The following SMYD3 variants were observed in gnomAD, a reference collection of about 807,000 sequenced individuals.
SMYD3 encodes SET and MYND domain containing 3.
A neutral mutation model predicts 57.7 loss-of-function variants in SMYD3; 36 were observed. That is an observed-to-expected ratio of 0.62 (90% CI 0.48 to 0.82). The LOEUF (loss-of-function observed/expected upper bound fraction) is 0.82, where lower values mean the gene tolerates loss of function less well. SMYD3 is among the 40% of genes least tolerant of loss of function. The pLI is 0.00. For synonymous variants in SMYD3, 211 were observed against 195.0 expected (o/e 1.08, Z -0.68); for missense variants, 515 against 538.8 (o/e 0.96, Z 0.44).
At chr1:246,329,294 TAC>T (rs1322894798) in intron 4 of SMYD3, among the ~76,000 whole-genome samples, 1 of 152,198 alleles carries the variant, frequency 6.6e-6, no homozygotes, top group Non-Finnish European at 1.5e-5. Flanking sequence ...TGAACTAGTT[TAC>T]AGTCCCACCA....
rs1355138427 is a variant in SMYD3 at position 246,438,489 on chromosome 1, T to G, written c.164+68565A>C. Among the ~76,000 whole-genome samples, 2 of 152,028 alleles carry G rather than the reference T, an allele frequency of 1.3e-5. 1 individual carries two copies. ...GAACTACTTTCCTGGTACTCTTCCC[T>G]CCCTTGTATCCTCCAGGGATTGATT... On this transcript the variant is annotated intron_variant, in intron 1 of 11. Transcript: ENST00000490107.
chr1:246,409,501 T>C (rs1297653707), intron 1 of SMYD3, among the ~76,000 whole-genome samples: 1 of 152,214 alleles, frequency 6.6e-6, no homozygotes, highest in Admixed American at 6.5e-5. Context: ...TGCAGCATTA[T>C]TTCTGAGGGC....
intron 5 of SMYD3, among the ~76,000 whole-genome samples, chr1:246,041,567 C>A (rs1349171787): frequency 6.6e-6 from 1 of 152,094 alleles, no homozygotes; most frequent in East Asian, 1.9e-4. Context: ...CAGGGCCCTA[C>A]GTCGTATGCA....
At position 246,411,717 on chromosome 1, in the gene SMYD3, T is replaced by C. The variant is rs2066972730; in HGVS notation, c.165-56623A>G. 2.0e-5 allele frequency among the ~76,000 whole-genome samples: 3 copies of C among 150,474 alleles called. No individual in the cohort carries two copies. The Middle Eastern group carries it at 0.01, about 526-fold the overall frequency. On this transcript the variant is annotated intron_variant, in intron 1 of 11. Transcript: ENST00000490107. Reference sequence around the variant, plus strand: ...GGAAACCATCATTCTCAGCAATCTATCCCAAGGACAAAAAACCAAACACCG... The same window carrying C: ...GGAAACCATCATTCTCAGCAATCTACCCCAAGGACAAAAAACCAAACACCG...
chr1:246,443,900 CA>C (rs984606603), intron 1 of SMYD3, among the ~76,000 whole-genome samples: 3 of 152,070 alleles, frequency 2.0e-5, no homozygotes, highest in Non-Finnish European at 4.4e-5. Flanking sequence ...TACTTTCTGT[CA>C]AAAAATTCAT....
chr1:245,768,514 C>G (rs1282280034), intron 10 of SMYD3, among the ~76,000 whole-genome samples: 2 of 152,222 alleles, frequency 1.3e-5, no homozygotes, highest in African/African-American at 4.8e-5. Context: ...TTACAGATGG[C>G]AGCTTTGGCA....
At chr1:246,423,912 G>C (rs1387935023) in intron 1 of SMYD3, among the ~76,000 whole-genome samples, 18 of 152,100 alleles carry the variant, frequency 1.2e-4, no homozygotes, top group Admixed American at 1.2e-3. Flanking sequence ...CATCTTTAAA[G>C]TGATGAAAGA....
At chr1:246,093,769 T>A (rs978555708) in intron 5 of SMYD3, among the ~76,000 whole-genome samples, 3 of 152,328 alleles carry the variant, frequency 2.0e-5, no homozygotes, top group Admixed American at 1.3e-4. Flanking sequence ...TATTTTTTTT[T>A]AATTCCAATA....
In SMYD3 at chr1:246,053,476, A is replaced by G. The variant is rs116093358; in HGVS notation, c.532-123539T>C. On this transcript the variant is annotated intron_variant, in intron 5 of 11. Coordinates refer to ENST00000490107, the MANE Select transcript of SMYD3 (RefSeq NM_001167740.2). ...AGAATGGTGTGGTACTGAAGAAAGG[A>G]TAGAATAGTGAGTCCAGAAACAGGC... 6.1e-3 allele frequency among the ~76,000 whole-genome samples: 922 copies of G among 152,322 alleles called. 11 individuals are homozygous for G. Among genetic ancestry groups the G allele is most frequent in the African/African-American group, 0.021 (860 of 41,562 alleles).
At chr1:246,039,909 G>T (rs1344579265) in intron 5 of SMYD3, among the ~76,000 whole-genome samples, 1 of 152,160 alleles carries the variant, frequency 6.6e-6, no homozygotes, top group Admixed American at 6.5e-5. Flanking sequence ...GATATGAGAA[G>T]AAGAGTGGCT....
At chr1:246,053,480 A>C (rs2060095376) in intron 5 of SMYD3, among the ~76,000 whole-genome samples, 1 of 152,194 alleles carries the variant, frequency 6.6e-6, no homozygotes, top group African/African-American at 2.4e-5. Context: ...GAAAGGATAG[A>C]ATAGTGAGTC....
At chr1:246,014,414 T>C (rs1163680303) in intron 5 of SMYD3, among the ~76,000 whole-genome samples, 1 of 152,204 alleles carries the variant, frequency 6.6e-6, no homozygotes, top group Non-Finnish European at 1.5e-5. Flanking sequence ...TAATGTTGCA[T>C]TCATGCTTTC....
chr1:245,931,861 T>C (rs2056743411), intron 5 of SMYD3, among the ~76,000 whole-genome samples: 1 of 152,206 alleles, frequency 6.6e-6, no homozygotes, highest in Admixed American at 6.5e-5. Context: ...ATTTGGCTTT[T>C]TTCCCTCTAA....
At position 246,507,188 on chromosome 1, in the gene SMYD3, T is replaced by G; in HGVS notation, c.30A>C (p.Ala10=). 6.5e-7 allele frequency: 1 copy of G among 1,528,266 alleles called. No homozygotes were observed. 94.7% of individuals were successfully genotyped at this position (1,528,266 alleles called of 1,614,324 possible). ...GCAGCCCGTTTCCCCTCTTGGCGGTTGCGAACTTTTCCACCTTCAGCGGCT... is the reference window on the plus strand; with the variant it reads ...GCAGCCCGTTTCCCCTCTTGGCGGTGGCGAACTTTTCCACCTTCAGCGGCT... The part of the protein sequence containing the change: MEPLKVEKF[A]TAKRGNGLRA... Residue 10 remains alanine (A), a synonymous_variant, in exon 1 of 12, where the codon GCA becomes GCC. Transcript: ENST00000490107.
chr1:246,492,095 C>T (rs530867316), intron 1 of SMYD3, among the ~76,000 whole-genome samples: 3 of 152,266 alleles, frequency 2.0e-5, no homozygotes, highest in African/African-American at 7.2e-5. Flanking sequence ...AAAGTTGAGA[C>T]TCATACATCG....
chr1:246,115,959 T>G (rs1233741088), intron 5 of SMYD3, among the ~76,000 whole-genome samples: 1 of 151,872 alleles, frequency 6.6e-6, no homozygotes, highest in East Asian at 1.9e-4. Flanking sequence ...GCCAACATGG[T>G]GAAACCCCAT....
At chr1:246,206,308 A>T (rs915775248) in intron 5 of SMYD3, among the ~76,000 whole-genome samples, 1 of 152,160 alleles carries the variant, frequency 6.6e-6, no homozygotes. Flanking sequence ...AATCTATTCT[A>T]CCATAAACCA....
At chr1:245,996,542 A>G (rs1409819848) in intron 5 of SMYD3, among the ~76,000 whole-genome samples, 3 of 152,214 alleles carry the variant, frequency 2.0e-5, no homozygotes, top group Non-Finnish European at 4.4e-5. Flanking sequence ...AAGTTACCTA[A>G]TGCATTCCCA....
intron 5 of SMYD3, among the ~76,000 whole-genome samples, chr1:246,191,256 T>C (rs1037985987): frequency 6.6e-6 from 1 of 152,224 alleles, no homozygotes; most frequent in Non-Finnish European, 1.5e-5. Flanking sequence ...TTTGAGATTC[T>C]TTGTTTTGGA....
Sources: allele counts gnomAD v4.1 joint callset (sites outside exome capture counted in the v4.1 genomes callset), GRCh38; gene constraint gnomAD v4.1.1; transcripts MANE v1.5; gene names NCBI Gene and HGNC (gene_info 2026-07-23, HGNC 2026-07-21).